ADGRV1: variants seen among roughly 807,000 people sequenced by gnomAD.
ADGRV1 encodes adhesion G protein-coupled receptor V1.
ADGRV1 carries 359 observed loss-of-function variants against 596.2 expected under a neutral mutation model. That is an observed-to-expected ratio of 0.60 (90% CI 0.55 to 0.66). The LOEUF (loss-of-function observed/expected upper bound fraction) is 0.66, where lower values mean the gene tolerates loss of function less well. Ranked by LOEUF, ADGRV1 falls within the 30% of genes least tolerant of loss-of-function variation. The pLI, the probability that ADGRV1 is intolerant of heterozygous loss-of-function variation, is 0.00. For synonymous variants in ADGRV1, 2,681 were observed against 2,679.2 expected, an observed-to-expected ratio of 1.00 and a Z score of -0.02; for missense variants, 7,274 against 7,575.6, an observed-to-expected ratio of 0.96 and a Z score of 1.48.
chr5:90,802,659 A>G (rs1441701377), intron 70 of ADGRV1, 80 bp from the exon 71 acceptor site: 23 of 1,324,854 alleles, frequency 1.7e-5, no homozygotes, highest in Non-Finnish European at 2.4e-5. Context: ...AACCTCAGGC[A>G]TTATGCTAAT....
chr5:90,817,790 A>G (rs1041519504), intron 75 of ADGRV1, among the ~76,000 whole-genome samples: 1 of 152,036 alleles, frequency 6.6e-6, no homozygotes, highest in Middle Eastern at 3.2e-3. Flanking sequence ...TTTTGGTACC[A>G]GTACCATGCT....
rs762273997 is a variant in ADGRV1, at chr5:90,791,163, C to A, written c.14334C>A (p.Asn4778Lys). ...SDRQSILIGQNLIRSIQINIT... is the reference protein window; with the variant it reads ...SDRQSILIGQKLIRSIQINIT... ...GCCAGTCAATACTTATTGGGCAGAA[C>A]CTTATTAGATCCATCCAAATTAACA... The change falls in exon 70 of 90, where the codon AAC becomes AAA. Residue 4778 changes from asparagine (N) to lysine (K), a missense_variant. This residue lies in a region of ADGRV1 where 1,874 missense variants were observed against 1,970.2 expected (regional missense o/e 0.95). Coordinates refer to ENST00000405460, the MANE Select transcript of ADGRV1 (RefSeq NM_032119.4). 6 of 1,613,908 alleles carry A rather than the reference C, an allele frequency of 3.7e-6. No individual in the cohort carries two copies. The Admixed American group carries it at 1.0e-4, about 27-fold the overall frequency.
At chr5:91,132,576 C>A (rs911506157) in intron 87 of ADGRV1, among the ~76,000 whole-genome samples, 1 of 152,150 alleles carries the variant, frequency 6.6e-6, no homozygotes, top group African/African-American at 2.4e-5. Flanking sequence ...TTGTTATAAA[C>A]TGTGATAAGT....
In ADGRV1 at chr5:90,840,586, G is replaced by A. The variant is rs1430743569; in HGVS notation, c.16620G>A (p.Arg5540=). 1 of 1,597,946 alleles carries A rather than the reference G, an allele frequency of 6.3e-7. No individual in the cohort carries two copies. Among genetic ancestry groups the A allele is most frequent in the East Asian group, 2.2e-5 (1 of 44,640 alleles). The part of the protein sequence containing the change: ...MSVNFSTQEL[R]SAETIGRTII... ...TGTTGTTTAATTTCTAGGAGTTGAG[G>A]AGTGCTGAAACAATTGGTCGTACCA... Residue 5540 remains arginine (R), a synonymous_variant, in exon 78 of 90, where the codon AGG becomes AGA. Coordinates refer to ENST00000405460, the MANE Select transcript of ADGRV1 (RefSeq NM_032119.4).
chr5:90,862,841 T>C (rs1239354305), intron 82 of ADGRV1, among the ~76,000 whole-genome samples: 1 of 152,226 alleles, frequency 6.6e-6, no homozygotes, highest in Non-Finnish European at 1.5e-5. Context: ...GTGGACCTTT[T>C]GCAGATGCCC....
chr5:90,813,167 T>TAA (rs1561786626), intron 74 of ADGRV1, among the ~76,000 whole-genome samples: 1 of 104,346 alleles, frequency 9.6e-6, no homozygotes, highest in Admixed American at 1.2e-4. Flanking sequence ...AAAAAAAATT[T>TAA]ATTTGGCAGT....
intron 10 of ADGRV1, among the ~76,000 whole-genome samples, chr5:90,636,942 G>A (rs1580539835): frequency 1.3e-5 from 2 of 151,940 alleles, no homozygotes; most frequent in Non-Finnish European, 2.9e-5. Flanking sequence ...GATATGCAGC[G>A]ATCCTTTTAT....
At position 91,040,726 on chromosome 5, in the gene ADGRV1, G is replaced by A. The variant is rs551592171; in HGVS notation, c.18153-31721G>A. Among the ~76,000 whole-genome samples the A allele has an allele frequency of 9.9e-5, 15 of 152,234 alleles. No individual in the cohort carries two copies. In the South Asian group the frequency reaches 3.1e-3, roughly 32 times the overall value. On this transcript the variant is annotated intron_variant, in intron 85 of 89. Coordinates refer to ENST00000405460, the MANE Select transcript of ADGRV1 (RefSeq NM_032119.4). Reference sequence around the variant, plus strand: ...GAATTTCCAGTTATCTGCAATTTTGGATCATCTGATCCATTATCTCCATCT... The same window carrying A: ...GAATTTCCAGTTATCTGCAATTTTGAATCATCTGATCCATTATCTCCATCT...
chr5:90,931,753 T>C (rs1383973184), intron 83 of ADGRV1, among the ~76,000 whole-genome samples: 6 of 152,332 alleles, frequency 3.9e-5, no homozygotes, highest in African/African-American at 9.6e-5. Flanking sequence ...TAATTACGCA[T>C]GTTTCCTAAT....
intron 85 of ADGRV1, among the ~76,000 whole-genome samples, chr5:91,025,230 C>T (rs1783928875): frequency 6.6e-6 from 1 of 152,142 alleles, no homozygotes. Flanking sequence ...CCCACCTCCT[C>T]CCCCATGCAG....
In ADGRV1 at chr5:90,728,943, T is replaced by A; in HGVS notation, c.10426+10T>A. 1 of 1,574,442 alleles carries A rather than the reference T, an allele frequency of 6.4e-7. No individual in the cohort carries two copies. Among genetic ancestry groups the A allele is most frequent in the South Asian group, 1.1e-5 (1 of 89,488 alleles). On this transcript the variant is annotated intron_variant, in intron 49 of 89. Coordinates refer to ENST00000405460, the MANE Select transcript of ADGRV1 (RefSeq NM_032119.4). ...GAAAATGTCTTTCTAGGTGAGAAGA[T>A]AAAGTATTTGTAGTGTATATATAAT...
intron 5 of ADGRV1, 40 bp downstream of exon 5, chr5:90,622,741 AT>A (rs755990677): frequency 1.1e-6 from 1 of 937,506 alleles, no homozygotes; most frequent in South Asian, 2.2e-5. Flanking sequence ...ATTTATTTTT[AT>A]TTTTATTTAT....
intron 17 of ADGRV1, among the ~76,000 whole-genome samples, chr5:90,650,858 T>C (rs1428238863): frequency 2.6e-5 from 4 of 151,896 alleles, no homozygotes; most frequent in Admixed American, 1.3e-4. Context: ...CCTGGAAGAG[T>C]TGTTGCTTGA....
Position 90,802,741 on chromosome 5 carries a change from C to G in ADGRV1, c.14520C>G (p.Val4840=), listed in dbSNP as rs374155241. ...TCACTGACACTGTTTGTTTATAGGT[C>G]TTCCTATCACTGGGCTCTAATTTCA... ...KVDVVPIKNQ[V]FLSLGSNFTL... Residue 4840 remains valine (V), a splice_region_variant and synonymous_variant, in exon 71 of 90, where the codon GTC becomes GTG. Coordinates refer to ENST00000405460, the MANE Select transcript of ADGRV1 (RefSeq NM_032119.4). The G allele has an allele frequency of 2.4e-4, 382 of 1,609,618 alleles. No homozygotes were observed. Among genetic ancestry groups the G allele is most frequent in the Non-Finnish European group, 3.1e-4 (362 of 1,177,566 alleles).
At chr5:90,697,284 T>C in intron 34 of ADGRV1, 138 bp downstream of exon 34, 1 of 751,126 alleles carries the variant, frequency 1.3e-6, no homozygotes, top group South Asian at 2.2e-5. Context: ...ATAGAACTTC[T>C]TTGGGAGAAG....
chr5:90,668,093 G>A (rs962764883), intron 21 of ADGRV1, among the ~76,000 whole-genome samples: 2 of 151,940 alleles, frequency 1.3e-5, no homozygotes, highest in South Asian at 2.1e-4. Context: ...CAGAGGTGGA[G>A]CCTACAGAGG....
intron 1 of ADGRV1, among the ~76,000 whole-genome samples, chr5:90,569,086 A>C (rs1302152485): frequency 6.6e-6 from 1 of 152,052 alleles, no homozygotes; most frequent in Non-Finnish European, 1.5e-5. Context: ...GAGGGCAAAC[A>C]AGCATGTGAG....
chr5:90,566,767 G>T (rs946646394), intron 1 of ADGRV1, among the ~76,000 whole-genome samples: 1 of 151,942 alleles, frequency 6.6e-6, no homozygotes, highest in Non-Finnish European at 1.5e-5. Context: ...GTCATCTGTA[G>T]ATATAGTTTA....
chr5:90,849,367 T>G (rs2150390912), intron 79 of ADGRV1, among the ~76,000 whole-genome samples: 1 of 152,298 alleles, frequency 6.6e-6, no homozygotes, highest in South Asian at 2.1e-4. Flanking sequence ...CTATAGGTAC[T>G]ATACTAATTA....
Sources: gnomAD v4.1 joint callset for allele counts (sites outside exome capture counted in the v4.1 genomes callset) on GRCh38, gnomAD v4.1.1 for gene constraint, gnomAD v4.1.1 regional missense constraint, MANE v1.5 for transcripts, NCBI Gene and HGNC (gene_info 2026-07-23, HGNC 2026-07-21) for gene names.